AFF3: variants seen among roughly 807,000 people sequenced by gnomAD.
AFF3 encodes ALF transcription elongation factor 3.
AFF3 carries 32 observed loss-of-function variants against 129.7 expected under a neutral mutation model. The observed-to-expected ratio is 0.25, with a 90% CI of 0.19 to 0.33. AFF3 has a LOEUF of 0.33. AFF3 is among the 10% of genes least tolerant of loss of function. The pLI is 1.00. For missense variants in AFF3, 1,373 were observed against 1,592.0 expected (o/e 0.86, Z 2.34); for synonymous variants, 644 against 635.4 (o/e 1.01, Z -0.20).
intron 8 of AFF3, among the ~76,000 whole-genome samples, chr2:99,828,948 G>A (rs906287142): frequency 2.0e-5 from 3 of 152,066 alleles, no homozygotes; most frequent in Admixed American, 6.5e-5. Flanking sequence ...ATATTTTGGT[G>A]TCTCTACACT....
intron 4 of AFF3, among the ~76,000 whole-genome samples, chr2:100,045,638 C>G (rs964542007): frequency 6.6e-5 from 10 of 151,756 alleles, no homozygotes; most frequent in African/African-American, 2.4e-4. Context: ...CTCCCTCCAC[C>G]TTTCCCACCT....
At chr2:99,743,012 T>C (rs1468381494) in intron 10 of AFF3, among the ~76,000 whole-genome samples, 4 of 152,254 alleles carry the variant, frequency 2.6e-5, no homozygotes, top group Non-Finnish European at 4.4e-5. Context: ...TGGTGTGCGA[T>C]GCTGACGTCT....
chr2:99,852,607 C>T (rs578186048), intron 7 of AFF3, among the ~76,000 whole-genome samples: 3 of 152,262 alleles, frequency 2.0e-5, no homozygotes, highest in South Asian at 2.1e-4. Flanking sequence ...GATACCATAG[C>T]GAGCAAAACC....
chr2:100,007,948 C>G (rs1408371053), intron 5 of AFF3: 1 of 162,436 alleles, frequency 6.2e-6, no homozygotes, highest in Admixed American at 5.8e-5. Context: ...GCACTCCAGC[C>G]TGGGTGACAG....
At chr2:99,726,964 A>C in intron 11 of AFF3, 113 bp downstream of exon 11, 1 of 941,412 alleles carries the variant, frequency 1.1e-6, no homozygotes, top group Non-Finnish European at 1.5e-6. Context: ...AGAAAAGAGA[A>C]CCATGGGCTT....
At chr2:100,079,668 G>A (rs1241981737) in intron 4 of AFF3, among the ~76,000 whole-genome samples, 3 of 152,080 alleles carry the variant, frequency 2.0e-5, no homozygotes, top group Admixed American at 6.6e-5. Context: ...CAGAACTCAC[G>A]CTTCCCCAGC....
Position 99,594,051 on chromosome 2 carries a change from T to A in AFF3, c.1610A>T (p.Asn537Ile), listed in dbSNP as rs757610502. Residue 537 changes from asparagine to isoleucine, a missense_variant, in exon 15 of 25, where the codon AAC becomes ATC. By Grantham distance (149) the Asn-to-Ile change is moderately radical. This residue lies in a region of AFF3 where 413 missense variants were observed against 424.4 expected (regional missense o/e 0.97). Transcript: ENST00000672756. ...CKEEQRPRTANKAPGSKGVKQ... is the reference protein window; with the variant it reads ...CKEEQRPRTAIKAPGSKGVKQ... ...CACGCCTTTACTCCCAGGGGCCTTG[T>A]TGGCTGTCCTTGGCCTTTGCTCCTC... is the stretch of plus-strand genomic sequence containing the variant. 5 of 1,611,666 alleles carry A rather than the reference T, an allele frequency of 3.1e-6. No homozygotes were observed. Among genetic ancestry groups the A allele is most frequent in the African/African-American group, 2.7e-5 (2 of 74,866 alleles).
intron 7 of AFF3, among the ~76,000 whole-genome samples, chr2:99,858,593 T>C (rs1302867800): frequency 3.3e-5 from 5 of 152,156 alleles, no homozygotes; most frequent in African/African-American, 1.2e-4. Context: ...GATCATGTTC[T>C]GTGCAGGGAC....
intron 7 of AFF3, among the ~76,000 whole-genome samples, chr2:99,942,123 T>C (rs1420659967): frequency 6.6e-6 from 1 of 152,200 alleles, no homozygotes; most frequent in African/African-American, 2.4e-5. Context: ...CAGCACTTAC[T>C]GAGTGCCTAC....
chr2:100,059,333 G>GGA (rs1687058731), intron 4 of AFF3, among the ~76,000 whole-genome samples: 1 of 138,536 alleles, frequency 7.2e-6, no homozygotes, highest in Admixed American at 7.3e-5. Flanking sequence ...TGGCAAATAA[G>GGA]CACAGGAAAA....
At chr2:100,057,246 G>A (rs1313999539) in intron 4 of AFF3, among the ~76,000 whole-genome samples, 1 of 150,990 alleles carries the variant, frequency 6.6e-6, no homozygotes, top group African/African-American at 2.4e-5. Context: ...ACTGGAACTC[G>A]GGAGGCAGAG....
chr2:100,033,641 G>A (rs921044588), intron 4 of AFF3, among the ~76,000 whole-genome samples: 2 of 152,100 alleles, frequency 1.3e-5, no homozygotes, highest in Non-Finnish European at 2.9e-5. Context: ...TATTAGCTTT[G>A]AATGATAATC....
intron 7 of AFF3, among the ~76,000 whole-genome samples, chr2:99,859,855 G>A (rs1690842532): frequency 6.6e-6 from 1 of 152,092 alleles, no homozygotes; most frequent in Non-Finnish European, 1.5e-5. Flanking sequence ...TAGGCCTGGG[G>A]GTGATCAGCC....
chr2:99,831,013 C>G (rs764286957), intron 8 of AFF3, among the ~76,000 whole-genome samples: 1 of 152,184 alleles, frequency 6.6e-6, no homozygotes, highest in Non-Finnish European at 1.5e-5. Flanking sequence ...CACCCACACT[C>G]ACTGACACTA....
At chr2:99,858,055 T>C (rs375512033) in intron 7 of AFF3, among the ~76,000 whole-genome samples, 1 of 152,164 alleles carries the variant, frequency 6.6e-6, no homozygotes, top group East Asian at 1.9e-4. Flanking sequence ...CAGCTGAGGC[T>C]TAAAATGTGC....
chr2:99,866,806 A>G (rs964142447), intron 7 of AFF3, among the ~76,000 whole-genome samples: 4 of 151,598 alleles, frequency 2.6e-5, no homozygotes, highest in East Asian at 1.9e-4. Context: ...GTGAAACCCT[A>G]TATCTACTAA....
intron 7 of AFF3, among the ~76,000 whole-genome samples, chr2:99,932,869 C>G (rs1442018134): frequency 1.3e-5 from 2 of 152,178 alleles, no homozygotes; most frequent in Non-Finnish European, 2.9e-5. Flanking sequence ...TTCCAATTAA[C>G]TTTTTTGTTG....
intron 7 of AFF3, among the ~76,000 whole-genome samples, chr2:99,876,729 G>A (rs917721333): frequency 1.3e-5 from 2 of 151,992 alleles, no homozygotes; most frequent in African/African-American, 2.4e-5. Context: ...TAGTGCCTCC[G>A]CACCCTCATG....
intron 8 of AFF3, among the ~76,000 whole-genome samples, chr2:99,824,689 A>G (rs1274973094): frequency 1.3e-5 from 2 of 152,186 alleles, no homozygotes; most frequent in Non-Finnish European, 2.9e-5. Flanking sequence ...AATTCCTTTC[A>G]AACCTAGTAT....
Sources: gnomAD v4.1 joint callset for allele counts (sites outside exome capture counted in the v4.1 genomes callset) on GRCh38, gnomAD v4.1.1 for gene constraint, gnomAD v4.1.1 regional missense constraint, MANE v1.5 for transcripts, NCBI Gene and HGNC (gene_info 2026-07-23, HGNC 2026-07-21) for gene names.